The following TPD52 variants were observed in gnomAD, a reference collection of about 807,000 sequenced individuals.
The protein encoded by TPD52 is tumor protein D52.
In TPD52, 17 loss-of-function variants were observed where a neutral mutation model predicts 31.3. The ratio of observed to expected loss-of-function variants is 0.54; its 90% CI spans 0.37 to 0.82. TPD52 has a LOEUF of 0.82. Among genes scored for constraint, TPD52 ranks in the 40% least tolerant of loss-of-function variants. The pLI, the probability that TPD52 is intolerant of heterozygous loss-of-function variation, is 0.00. For synonymous variants in TPD52, 83 were observed against 89.6 expected (o/e 0.93, Z 0.42); for missense variants, 212 against 240.1 (o/e 0.88, Z 0.77).
At chr8:80,077,274 CAAAA>C (rs368480127) in intron 1 of TPD52, among the ~76,000 whole-genome samples, 3 of 116,354 alleles carry the variant, frequency 2.6e-5, no homozygotes, top group Non-Finnish European at 5.5e-5. Context: ...GACTCTGTCT[CAAAA>C]AAAAAAAAAA....
At chr8:80,141,214 C>T (rs1007193672) in intron 1 of TPD52, among the ~76,000 whole-genome samples, 1 of 152,154 alleles carries the variant, frequency 6.6e-6, no homozygotes, top group Non-Finnish European at 1.5e-5. Flanking sequence ...TCCTAATCCC[C>T]TAAATTCCAG....
intron 1 of TPD52, among the ~76,000 whole-genome samples, chr8:80,097,683 T>C (rs1352748351): frequency 1.3e-5 from 2 of 152,224 alleles, no homozygotes; most frequent in African/African-American, 2.4e-5. Context: ...TGTGAAACTG[T>C]GAGCCAATTA....
chr8:80,044,560 T>A (rs1810664346), intron 5 of TPD52, among the ~76,000 whole-genome samples: 1 of 151,482 alleles, frequency 6.6e-6, no homozygotes, highest in African/African-American at 2.4e-5. Context: ...TCAGTGTTTA[T>A]CGCCTCCCCT....
At chr8:80,151,838 A>G (rs1810590291) in intron 1 of TPD52, among the ~76,000 whole-genome samples, 1 of 152,208 alleles carries the variant, frequency 6.6e-6, no homozygotes, top group African/African-American at 2.4e-5. Flanking sequence ...ATCTATAACT[A>G]AATTTGTTGT....
chr8:80,066,020 G>A (rs368824093), intron 1 of TPD52, among the ~76,000 whole-genome samples: 104 of 148,986 alleles, frequency 7.0e-4, no homozygotes, highest in African/African-American at 2.5e-3. Flanking sequence ...CACAGCCACT[G>A]CAGTTGTTCC....
chr8:80,040,404 G>C (rs1433151773), intron 7 of TPD52, among the ~76,000 whole-genome samples: 1 of 151,718 alleles, frequency 6.6e-6, no homozygotes, highest in Admixed American at 6.6e-5. Flanking sequence ...TTCCCAGGCT[G>C]GTCTCAAATT....
chr8:80,075,807 T>C (rs1814467867), intron 1 of TPD52, among the ~76,000 whole-genome samples: 1 of 152,208 alleles, frequency 6.6e-6, no homozygotes, highest in Admixed American at 6.5e-5. Flanking sequence ...TCTCTTCAAT[T>C]TGACTCCAGT....
At chr8:80,032,216 G>C (rs910978592), downstream of TPD52, among the ~76,000 whole-genome samples, 1 of 150,748 alleles carries the variant, frequency 6.6e-6, no homozygotes, top group Non-Finnish European at 1.5e-5. Context: ...TTTGGCCTTA[G>C]TTCTGTCTTT....
rs190611310 is a variant in TPD52 at position 80,171,059 on chromosome 8, G to A, written c.19+366C>T. The A allele has an allele frequency of 5.6e-4, 305 of 542,856 alleles. 1 individual carries two copies. Among genetic ancestry groups the A allele is most frequent in the South Asian group, 1.2e-3 (61 of 52,772 alleles). 33.6% of individuals were successfully genotyped at this position (542,856 alleles called of 1,614,324 possible). ...AGCGACTCACTGTCCTCTGTTCCTG[G>A]TTCCAGTCACTTACAGGAGCTGGCT... On this transcript the variant is annotated intron_variant, in intron 1 of 7. Transcript: ENST00000518937.
chr8:80,171,400 A>G (rs1812091737), intron 1 of TPD52, 25 bp downstream of exon 1: 1 of 1,577,218 alleles, frequency 6.3e-7, no homozygotes, highest in East Asian at 2.3e-5. Context: ...GCCCGAGCCC[A>G]AGCCCGCTGG....
Position 80,093,507 on chromosome 8 carries a change from A to G in TPD52, c.20-28914T>C, listed in dbSNP as rs981906233. ...TGGCAATGAGAGGCTCATATGAAAC[A>G]CTTTTCCTTAAGGGAATGGGAGTTT... On this transcript the variant is annotated intron_variant, in intron 1 of 7. Coordinates refer to ENST00000518937, the MANE Select transcript of TPD52 (RefSeq NM_001025253.3). Among the ~76,000 whole-genome samples, 4 of 152,158 alleles carry G rather than the reference A, an allele frequency of 2.6e-5. No individual in the cohort carries two copies. In the East Asian group the frequency reaches 7.7e-4, roughly 29 times the overall value.
At chr8:80,046,915 G>A (rs554345785) in intron 5 of TPD52, among the ~76,000 whole-genome samples, 2 of 152,116 alleles carry the variant, frequency 1.3e-5, no homozygotes, top group Non-Finnish European at 2.9e-5. Flanking sequence ...AAGAGAGGAG[G>A]GGGTAGAGGG....
At chr8:80,092,281 T>A (rs1474293892) in intron 1 of TPD52, among the ~76,000 whole-genome samples, 1 of 152,224 alleles carries the variant, frequency 6.6e-6, no homozygotes, top group East Asian at 1.9e-4. Flanking sequence ...GGTATGTTTG[T>A]AACCATTAAC....
intron 1 of TPD52, among the ~76,000 whole-genome samples, chr8:80,094,457 TA>T (rs1816560695): frequency 4.8e-5 from 4 of 83,732 alleles, no homozygotes; most frequent in Admixed American, 1.2e-4. Context: ...TATATATATA[TA>T]TATATATATA....
intron 2 of TPD52, among the ~76,000 whole-genome samples, chr8:80,061,383 C>CCCCCCA: frequency 7.9e-6 from 1 of 126,502 alleles, no homozygotes. Context: ...CACCGCCCCC[C>CCCCCCA]CCAAAAAAAA....
chr8:80,144,701 A>T (rs1372591218), intron 1 of TPD52, among the ~76,000 whole-genome samples: 1 of 152,152 alleles, frequency 6.6e-6, no homozygotes, highest in Non-Finnish European at 1.5e-5. Flanking sequence ...ACTGAAATAC[A>T]CCCAGAAAGG....
At chr8:80,098,954 G>A (rs1310644352) in intron 1 of TPD52, among the ~76,000 whole-genome samples, 7 of 152,202 alleles carry the variant, frequency 4.6e-5, no homozygotes, top group Admixed American at 3.9e-4. Flanking sequence ...AGGACTCACT[G>A]AAGACTCACT....
At chr8:80,031,806 A>C (rs998871889), downstream of TPD52, among the ~76,000 whole-genome samples, 1 of 152,074 alleles carries the variant, frequency 6.6e-6, no homozygotes, top group East Asian at 1.9e-4. Flanking sequence ...GCAGTGAGCT[A>C]TGTTCCTGCC....
chr8:80,115,263 C>T (rs946380188), intron 1 of TPD52, among the ~76,000 whole-genome samples: 4 of 152,194 alleles, frequency 2.6e-5, no homozygotes, highest in East Asian at 3.9e-4. Flanking sequence ...AGTCTCCGCC[C>T]GTCTACAGTG....
Sources: allele counts gnomAD v4.1 joint callset (sites outside exome capture counted in the v4.1 genomes callset), GRCh38; gene constraint gnomAD v4.1.1; transcripts MANE v1.5; gene names NCBI Gene and HGNC (gene_info 2026-07-23, HGNC 2026-07-21).